The following QTGAL variants were observed in gnomAD, a reference collection of about 807,000 sequenced individuals.
QTGAL encodes the protein BGnT-like protein 1.
the QTGAL span, among the ~76,000 whole-genome samples, chr17:82,961,902 G>A: frequency 6.6e-6 from 1 of 152,200 alleles, no homozygotes; most frequent in African/African-American, 2.4e-5. Flanking sequence ...CCTCTCCTGG[G>A]TGACCCCAAT....
the QTGAL span, chr17:82,942,591 C>A: frequency 1.6e-6 from 2 of 1,268,876 alleles, no homozygotes; most frequent in Non-Finnish European, 2.2e-6. Flanking sequence ...CCCTTGGAGG[C>A]TGGCACTAGC....
the QTGAL span, among the ~76,000 whole-genome samples, chr17:82,950,584 A>G: frequency 6.6e-6 from 1 of 152,200 alleles, no homozygotes; most frequent in Non-Finnish European, 1.5e-5. Context: ...AAAGGTTTTC[A>G]TTACTTTGCT....
the QTGAL span, among the ~76,000 whole-genome samples, chr17:82,968,892 G>C: frequency 2.8e-3 from 429 of 151,832 alleles, 1 homozygote; most frequent in African/African-American, 9.4e-3. Context: ...CCAGCACTTT[G>C]GGAGGCTGAG....
At chr17:82,998,686 G>A in the QTGAL span, among the ~76,000 whole-genome samples, 1 of 152,108 alleles carries the variant, frequency 6.6e-6, no homozygotes. Flanking sequence ...ATTGTTAAAA[G>A]AATGAAAAGA....
At chr17:82,971,471 A>G in the QTGAL span, among the ~76,000 whole-genome samples, 2 of 152,094 alleles carry the variant, frequency 1.3e-5, no homozygotes, top group Non-Finnish European at 2.9e-5. Flanking sequence ...GGGGCCAGCC[A>G]CGCGCCGTCT....
the QTGAL span, among the ~76,000 whole-genome samples, chr17:82,984,265 C>T: frequency 0.018 from 1,718 of 95,220 alleles, 264 homozygotes; most frequent in Middle Eastern, 0.074. Context: ...CATATGATCA[C>T]GCAGGGGAGA....
the QTGAL span, among the ~76,000 whole-genome samples, chr17:83,051,307 G>C: frequency 6.6e-6 from 1 of 150,876 alleles, no homozygotes; most frequent in Non-Finnish European, 1.5e-5. Flanking sequence ...CGAGGCGGGA[G>C]CGAGGCAGGT....
At chr17:83,019,433 A>G in the QTGAL span, among the ~76,000 whole-genome samples, 1 of 152,250 alleles carries the variant, frequency 6.6e-6, no homozygotes, top group Non-Finnish European at 1.5e-5. Context: ...AAGATATAAG[A>G]CATGAGCAAG....
the QTGAL span, among the ~76,000 whole-genome samples, chr17:83,023,873 G>A: frequency 6.6e-6 from 1 of 152,208 alleles, no homozygotes; most frequent in Non-Finnish European, 1.5e-5. Context: ...AGTGGGACAC[G>A]GTGGGACAAA....
At chr17:83,006,293 C>A in the QTGAL span, 1 of 985,488 alleles carries the variant, frequency 1.0e-6, no homozygotes, top group Non-Finnish European at 1.2e-6. The surrounding 1 kb of genome is among the most constrained non-coding windows in gnomAD (Gnocchi z 5.8). Flanking sequence ...GTAGCGTTTA[C>A]GCGTAGTGAG....
chr17:82,944,707 C>A, the QTGAL span: 2 of 152,248 alleles, frequency 1.3e-5, no homozygotes, highest in African/African-American at 2.4e-5. Flanking sequence ...ATTTGTGTAC[C>A]CACAAACACG....
the QTGAL span, among the ~76,000 whole-genome samples, chr17:82,969,213 G>GC: frequency 6.6e-6 from 1 of 151,822 alleles, no homozygotes; most frequent in Non-Finnish European, 1.5e-5. Context: ...AGGCTGGAGT[G>GC]CAGTGGCGCG....
the QTGAL span, among the ~76,000 whole-genome samples, chr17:83,039,218 G>A: frequency 2.0e-5 from 3 of 150,462 alleles, no homozygotes; most frequent in South Asian, 2.1e-4. Context: ...AGCGCCCGCC[G>A]CCCGCCCCTG....
the QTGAL span, among the ~76,000 whole-genome samples, chr17:82,954,136 C>G: frequency 6.6e-6 from 1 of 152,182 alleles, no homozygotes; most frequent in African/African-American, 2.4e-5. Context: ...ATTGGAAGTT[C>G]TGGCCAGGGC....
At chr17:82,958,747 GA>G in the QTGAL span, among the ~76,000 whole-genome samples, 2 of 151,842 alleles carry the variant, frequency 1.3e-5, no homozygotes, top group African/African-American at 4.8e-5. Flanking sequence ...CCCCACCTGG[GA>G]CACAGGGAGA....
the QTGAL span, among the ~76,000 whole-genome samples, chr17:82,993,943 A>C: frequency 6.6e-6 from 1 of 152,288 alleles, no homozygotes; most frequent in Non-Finnish European, 1.5e-5. Flanking sequence ...GGAACTTAAA[A>C]CATTTCTTGA....
At chr17:83,020,363 T>G in the QTGAL span, among the ~76,000 whole-genome samples, 55 of 152,200 alleles carry the variant, frequency 3.6e-4, no homozygotes, top group African/African-American at 1.3e-3. Context: ...GCCAGGCAAG[T>G]CCCAGAAAAC....
chr17:83,027,547 T>A, the QTGAL span, among the ~76,000 whole-genome samples: 1 of 151,856 alleles, frequency 6.6e-6, no homozygotes, highest in African/African-American at 2.4e-5. Context: ...CATTAAAATA[T>A]GAAGAGGGGC....
At chr17:83,048,485 G>A in the QTGAL span, 1 of 1,611,382 alleles carries the variant, frequency 6.2e-7, no homozygotes, top group East Asian at 2.2e-5. Context: ...TCTAGGAGAG[G>A]GAGAATCGTG....
Sources: gnomAD v4.1 joint callset for allele counts (sites outside exome capture counted in the v4.1 genomes callset) on GRCh38, gnomAD v4.1.1 for gene constraint, Gnocchi (gnomAD v3.1) non-coding constraint, MANE v1.5 for transcripts, NCBI Gene and HGNC (gene_info 2026-07-23, HGNC 2026-07-21) for gene names.